HEATR5B: variants seen among roughly 807,000 people sequenced by gnomAD.
The protein encoded by HEATR5B is HEAT repeat containing 5B.
HEATR5B carries 156 observed loss-of-function variants against 224.1 expected under a neutral mutation model. The ratio of observed to expected loss-of-function variants is 0.70; its 90% confidence interval spans 0.61 to 0.80. The LOEUF (loss-of-function observed/expected upper bound fraction) is 0.80. Ranked by LOEUF, HEATR5B falls within the 30% of genes least tolerant of loss-of-function variation. HEATR5B has a pLI of 0.00. For synonymous variants in HEATR5B, 1,027 were observed against 893.0 expected (o/e 1.15, Z -2.68); for missense variants, 2,323 against 2,535.5 (o/e 0.92, Z 1.80).
At chr2:37,059,446 G>GTGTATA (rs1354982525) in intron 12 of HEATR5B, among the ~76,000 whole-genome samples, 531 of 42,236 alleles carry the variant, frequency 0.013, 9 homozygotes, top group African/African-American at 0.04. Flanking sequence ...GTGTGTGTGT[G>GTGTATA]TATATATATA....
chr2:37,002,649 T>G (rs981149463), intron 31 of HEATR5B, 77 bp from the exon 32 acceptor site: 3 of 1,427,050 alleles, frequency 2.1e-6, no homozygotes, highest in Non-Finnish European at 2.9e-6. Context: ...TTTAGGAAAT[T>G]CCTTCAAAAG....
chr2:36,984,215 A>AAAAAAAAAAAAAATAT, intron 35 of HEATR5B, among the ~76,000 whole-genome samples: 16 of 77,640 alleles, frequency 2.1e-4, no homozygotes, highest in African/African-American at 7.6e-4. Flanking sequence ...AAAAAAAAAA[A>AAAAAAAAAAAAAATAT]ATATATATAT....
At chr2:37,071,930 G>A (rs548624022) in intron 6 of HEATR5B, among the ~76,000 whole-genome samples, 180 bp downstream of exon 6, 2 of 152,208 alleles carry the variant, frequency 1.3e-5, no homozygotes, top group African/African-American at 4.8e-5. Flanking sequence ...TGATCCACCT[G>A]TCTCGGCCTC....
intron 33 of HEATR5B, among the ~76,000 whole-genome samples, chr2:36,994,833 G>A (rs1666579620): frequency 6.6e-6 from 1 of 151,208 alleles, no homozygotes; most frequent in South Asian, 2.1e-4. Context: ...CTCACTGCAA[G>A]CTCCGCCCCC....
rs760770908 is a variant in HEATR5B, at chr2:37,075,471, G to T, written c.597+14C>A. ...AGGATAAAGAGCAGTATTCTAAATT[G>T]GTCGAGTACTAACCTTGGCCACTGC... On this transcript the variant is annotated intron_variant, in intron 5 of 35. Coordinates refer to ENST00000233099, the MANE Select transcript of HEATR5B (RefSeq NM_019024.3). The T allele has an allele frequency of 6.3e-7, 1 of 1,596,296 alleles. No homozygotes were observed. The highest frequency in any genetic ancestry group is 1.1e-5 in the South Asian group (1 of 88,432).
At chr2:37,022,517 G>A (rs1668527965) in intron 24 of HEATR5B, among the ~76,000 whole-genome samples, 1 of 152,144 alleles carries the variant, frequency 6.6e-6, no homozygotes, top group Admixed American at 6.6e-5. Context: ...CAACTCCACT[G>A]TTAAGGTGCA....
Position 37,007,098 on chromosome 2 carries a change from C to A in HEATR5B, c.4729G>T (p.Ala1577Ser). The A allele has an allele frequency of 6.2e-7, 1 of 1,614,088 alleles. No homozygotes were observed. The highest frequency in any genetic ancestry group is 2.2e-5 in the East Asian group (1 of 44,878). The change falls in exon 29 of 36, where the codon GCT becomes TCT. Residue 1577 changes from alanine to serine, a missense_variant. Ala to Ser is a moderately conservative substitution (Grantham distance 99, BLOSUM62 1). Coordinates refer to ENST00000233099, the MANE Select transcript of HEATR5B (RefSeq NM_019024.3). ...LNQASGAVGS[A>S]KSLPEINKDR... ...TTGTTAATTTCTGGCAAAGATTTAG[C>A]ACTACCCACTGCTCCTGATGCCTGG...
chr2:37,054,654 T>C (rs921877874), intron 16 of HEATR5B, among the ~76,000 whole-genome samples: 2 of 151,260 alleles, frequency 1.3e-5, no homozygotes, highest in Non-Finnish European at 2.9e-5. Context: ...CCAGCTAATT[T>C]TGTATTTTTA....
Position 37,002,401 on chromosome 2 carries a change from A to T in HEATR5B, c.5222T>A (p.Ile1741Lys). ...TTCTGATAGTCGAGTTTTAGTGGCT[A>T]TGTGACTTGGAGAGTCTGACACCTT... ...STKVSDSPSH[I>K]ATKTRLSEES... The change falls in exon 32 of 36, where the codon ATA becomes AAA. Residue 1741 changes from isoleucine to lysine, a missense_variant. By Grantham distance (102) the Ile-to-Lys change is moderately radical. Transcript: ENST00000233099. 1 of 1,614,250 alleles carries T rather than the reference A, an allele frequency of 6.2e-7. No individual in the cohort carries two copies.
intron 33 of HEATR5B, among the ~76,000 whole-genome samples, chr2:36,991,675 T>C (rs914483307): frequency 6.6e-6 from 1 of 152,138 alleles, no homozygotes; most frequent in Non-Finnish European, 1.5e-5. Context: ...TCTGAACATA[T>C]AAAATACGAG....
chr2:37,075,315 T>C (rs1286070157), intron 5 of HEATR5B, among the ~76,000 whole-genome samples, 170 bp downstream of exon 5: 1 of 152,134 alleles, frequency 6.6e-6, no homozygotes, highest in Non-Finnish European at 1.5e-5. Flanking sequence ...AGAATACACA[T>C]ACACAAAAGT....
At chr2:37,049,533 A>C in intron 18 of HEATR5B, 120 bp downstream of exon 18, 1 of 872,584 alleles carries the variant, frequency 1.1e-6, no homozygotes, top group South Asian at 1.7e-5. Context: ...TCATTACAAA[A>C]AACCCACAAA....
intron 21 of HEATR5B, among the ~76,000 whole-genome samples, chr2:37,036,150 G>A (rs779458423): frequency 6.6e-6 from 1 of 152,110 alleles, no homozygotes; most frequent in Non-Finnish European, 1.5e-5. Context: ...CTATCATGCA[G>A]CAAGAACAAA....
At chr2:36,993,612 C>A (rs1249253833) in intron 33 of HEATR5B, among the ~76,000 whole-genome samples, 1 of 151,176 alleles carries the variant, frequency 6.6e-6, no homozygotes, top group East Asian at 1.9e-4. Context: ...TATTTCCCCA[C>A]AGGTTACCTA....
At chr2:37,026,864 T>C (rs890803853) in intron 24 of HEATR5B, among the ~76,000 whole-genome samples, 1 of 152,212 alleles carries the variant, frequency 6.6e-6, no homozygotes, top group African/African-American at 2.4e-5. Flanking sequence ...GGTGGCGTGA[T>C]CTCAGCTCAC....
intron 8 of HEATR5B, among the ~76,000 whole-genome samples, chr2:37,066,326 A>C (rs777370430): frequency 4.6e-5 from 7 of 152,238 alleles, no homozygotes; most frequent in Admixed American, 2.0e-4. Flanking sequence ...TGCCTATTTC[A>C]AACGGTACTG....
intron 21 of HEATR5B, 127 bp downstream of exon 21, chr2:37,037,728 A>G (rs1009276492): frequency 2.1e-6 from 1 of 472,006 alleles, no homozygotes; most frequent in Non-Finnish European, 3.6e-6. Flanking sequence ...TATATACTGT[A>G]GGCTTGCATC....
intron 12 of HEATR5B, among the ~76,000 whole-genome samples, 168 bp downstream of exon 12, chr2:37,060,413 T>C (rs963215290): frequency 6.6e-6 from 1 of 152,192 alleles, no homozygotes; most frequent in Non-Finnish European, 1.5e-5. Context: ...ATTACAAAAT[T>C]AGCAAACTGA....
chr2:37,006,544 G>A (rs919102086), intron 29 of HEATR5B, among the ~76,000 whole-genome samples: 1 of 152,212 alleles, frequency 6.6e-6, no homozygotes, highest in Non-Finnish European at 1.5e-5. Flanking sequence ...GGGAGGCTGA[G>A]GCAGGAGAAT....
Sources: gnomAD v4.1 joint callset for allele counts (sites outside exome capture counted in the v4.1 genomes callset) on GRCh38, gnomAD v4.1.1 for gene constraint, MANE v1.5 for transcripts, NCBI Gene and HGNC (gene_info 2026-07-23, HGNC 2026-07-21) for gene names.